The following PLEKHA5 variants were observed in gnomAD, a reference collection of about 807,000 sequenced individuals.
PLEKHA5 encodes the protein pleckstrin homology domain containing A5.
PLEKHA5 carries 55 observed loss-of-function variants against 181.9 expected under a neutral mutation model. That is an observed-to-expected ratio of 0.30 (90% CI 0.24 to 0.38). The LOEUF is 0.38. Ranked by LOEUF, PLEKHA5 falls within the 10% of genes least tolerant of loss-of-function variation. The pLI, the probability that PLEKHA5 is intolerant of heterozygous loss-of-function variation, is 1.00. For synonymous variants in PLEKHA5, 535 were observed against 529.4 expected, an observed-to-expected ratio of 1.01 and a Z score of -0.15; for missense variants, 1,432 against 1,549.5, an observed-to-expected ratio of 0.92 and a Z score of 1.27.
chr12:19,189,531 A>AG (rs1365569558), intron 3 of PLEKHA5, among the ~76,000 whole-genome samples: 1 of 152,048 alleles, frequency 6.6e-6, no homozygotes, highest in Admixed American at 6.6e-5. Flanking sequence ...GGGAAAGGGC[A>AG]GGGGGTCAGG....
intron 3 of PLEKHA5, among the ~76,000 whole-genome samples, chr12:19,231,622 A>AT (rs1565495151): frequency 7.0e-6 from 1 of 142,976 alleles, no homozygotes; most frequent in South Asian, 2.2e-4. Context: ...AAATACTCAT[A>AT]AAGCTTGAGT....
At chr12:19,320,411 G>A (rs2090340446) in intron 17 of PLEKHA5, 151 bp from the exon 18 acceptor site, 2 of 486,078 alleles carry the variant, frequency 4.1e-6, no homozygotes, top group Admixed American at 3.8e-5. Flanking sequence ...GTTGATCAGT[G>A]TTTGAATTAA....
intron 3 of PLEKHA5, among the ~76,000 whole-genome samples, chr12:19,162,518 CAAATT>C (rs1337572207): frequency 2.7e-5 from 4 of 146,386 alleles, no homozygotes; most frequent in East Asian, 2.0e-4. Flanking sequence ...AAATGATTGA[CAAATT>C]AAAGCACAAT....
At chr12:19,365,480 A>G (rs1369123456) in intron 29 of PLEKHA5, among the ~76,000 whole-genome samples, 1 of 152,184 alleles carries the variant, frequency 6.6e-6, no homozygotes, top group Admixed American at 6.6e-5. Context: ...TTTACATATA[A>G]ATGGCAAAGA....
At chr12:19,174,373 A>G (rs1169556306) in intron 3 of PLEKHA5, among the ~76,000 whole-genome samples, 1 of 152,320 alleles carries the variant, frequency 6.6e-6, no homozygotes, top group Admixed American at 6.5e-5. Context: ...CCAAGTTTCT[A>G]ATATTCTGAG....
At chr12:19,166,267 A>G (rs998193368) in intron 3 of PLEKHA5, among the ~76,000 whole-genome samples, 2 of 152,192 alleles carry the variant, frequency 1.3e-5, no homozygotes, top group African/African-American at 4.8e-5. Flanking sequence ...ATTTGACTGA[A>G]TTTTATCTGA....
chr12:19,304,781 A>G (rs1234792004), intron 15 of PLEKHA5, among the ~76,000 whole-genome samples: 1 of 150,576 alleles, frequency 6.6e-6, no homozygotes, highest in Non-Finnish European at 1.5e-5. Context: ...TTTGCCAGAT[A>G]TGAGAACTAC....
intron 3 of PLEKHA5, among the ~76,000 whole-genome samples, chr12:19,170,582 A>G (rs1317000163): frequency 6.6e-6 from 1 of 151,912 alleles, no homozygotes; most frequent in East Asian, 1.9e-4. Context: ...ACCACGCCCA[A>G]CTAATTTTTG....
At chr12:19,186,547 A>G (rs1224275294) in intron 3 of PLEKHA5, among the ~76,000 whole-genome samples, 1 of 152,228 alleles carries the variant, frequency 6.6e-6, no homozygotes, top group African/African-American at 2.4e-5. Flanking sequence ...CTTCTATAGA[A>G]TAATGCCAAC....
intron 3 of PLEKHA5, among the ~76,000 whole-genome samples, chr12:19,185,307 C>G (rs1450864511): frequency 6.6e-6 from 1 of 152,098 alleles, no homozygotes; most frequent in African/African-American, 2.4e-5. Context: ...TCCATACCTC[C>G]TGATCCTGTC....
At chr12:19,263,625 C>T (rs1228939394) in intron 7 of PLEKHA5, among the ~76,000 whole-genome samples, 1 of 152,100 alleles carries the variant, frequency 6.6e-6, no homozygotes, top group Non-Finnish European at 1.5e-5. Flanking sequence ...TCCCAAATAT[C>T]TTTAAAACTA....
At chr12:19,229,215 TG>T (rs1176396194) in intron 3 of PLEKHA5, among the ~76,000 whole-genome samples, 1 of 152,154 alleles carries the variant, frequency 6.6e-6, no homozygotes, top group African/African-American at 2.4e-5. Flanking sequence ...CAGATGGTCT[TG>T]GTTAGAGTTG....
Position 19,314,819 on chromosome 12 carries a change from A to T in PLEKHA5, c.2043A>T (p.Lys681Asn). 6.5e-7 allele frequency: 1 copy of T among 1,534,862 alleles called. No homozygotes were observed. ...CTCCTCCTGATTTGAAATAGATGAA[A>T]GAAAATGAACCTATTATCACCATGG... ...RNTIYLDHQM[K>N]ENEPIITMVH... Residue 681 changes from lysine (K) to asparagine (N), a missense_variant, in exon 16 of 32, where the codon AAA (lysine) becomes AAT (asparagine). By Grantham distance (94) the Lys-to-Asn change is moderately conservative. Around this residue, in one of 2 missense-constraint regions of PLEKHA5, gnomAD observed 1,143 missense variants for 1,168.4 expected, o/e 0.98. Coordinates refer to ENST00000429027, the MANE Select transcript of PLEKHA5 (RefSeq NM_001256470.2).
chr12:19,360,806 A>G (rs1399388246), intron 28 of PLEKHA5, among the ~76,000 whole-genome samples: 2 of 151,886 alleles, frequency 1.3e-5, no homozygotes, highest in Admixed American at 6.6e-5. Flanking sequence ...CCCAGGCTGG[A>G]GTACAGTGGC....
intron 3 of PLEKHA5, among the ~76,000 whole-genome samples, chr12:19,251,670 G>A (rs1368428695): frequency 1.5e-5 from 2 of 129,144 alleles, no homozygotes; most frequent in African/African-American, 2.9e-5. Context: ...TACAAATCAT[G>A]TTGAAACAGT....
chr12:19,168,513 CAAAA>C (rs72382824), intron 3 of PLEKHA5, among the ~76,000 whole-genome samples: 100,325 of 151,230 alleles, frequency 0.66, 36,592 homozygotes, highest in Non-Finnish European at 0.83. Context: ...AAACAAAAAA[CAAAA>C]AAACTCAGTA....
At chr12:19,195,457 C>G (rs1005503239) in intron 3 of PLEKHA5, among the ~76,000 whole-genome samples, 1 of 151,914 alleles carries the variant, frequency 6.6e-6, no homozygotes, top group Non-Finnish European at 1.5e-5. Context: ...TCACTTGAGT[C>G]CAGAGTTCGA....
At chr12:19,231,168 T>C (rs993541833) in intron 3 of PLEKHA5, among the ~76,000 whole-genome samples, 2 of 152,110 alleles carry the variant, frequency 1.3e-5, no homozygotes, top group Admixed American at 6.5e-5. Flanking sequence ...AAGAGTTTCT[T>C]TGAGGCCTGT....
intron 15 of PLEKHA5, among the ~76,000 whole-genome samples, chr12:19,308,265 G>A (rs557404849): frequency 6.6e-6 from 1 of 152,130 alleles, no homozygotes; most frequent in Non-Finnish European, 1.5e-5. Context: ...TGGGAATCCA[G>A]CTGTATACAT....
Sources: gnomAD v4.1 joint callset for allele counts (sites outside exome capture counted in the v4.1 genomes callset) on GRCh38, gnomAD v4.1.1 for gene constraint, gnomAD v4.1.1 regional missense constraint, MANE v1.5 for transcripts, NCBI Gene and HGNC (gene_info 2026-07-23, HGNC 2026-07-21) for gene names.